Variants in SYT11 observed in about 807,000 individuals in gnomAD.
SYT11 encodes the protein synaptotagmin 11.
In SYT11, 12 loss-of-function variants were observed where a neutral mutation model predicts 30.4. That is an observed-to-expected ratio of 0.39 (90% CI 0.25 to 0.64). SYT11 has a LOEUF of 0.64. SYT11 is among the 30% of genes least tolerant of loss of function. The pLI, the probability that SYT11 is intolerant of heterozygous loss-of-function variation, is 0.45. For missense variants in SYT11, 412 were observed against 552.0 expected, an observed-to-expected ratio of 0.75 and a Z score of 2.54; for synonymous variants, 204 against 216.0, an observed-to-expected ratio of 0.94 and a Z score of 0.49.
In SYT11 at chr1:155,868,134, C is replaced by G; in HGVS notation, c.204C>G (p.Thr68=). 1 of 1,614,036 alleles carries G rather than the reference C, an allele frequency of 6.2e-7. No individual in the cohort carries two copies. The change falls in exon 2 of 4, where the codon ACC becomes ACG. Residue 68 remains threonine, a synonymous_variant. Transcript: ENST00000368324. This position sits in a 1 kb window ranked among gnomAD's most constrained non-coding sequence, Gnocchi z 4.7. The part of the protein sequence containing the change: ...MLKGISIYPE[T]LSNKKKIIKV... Reference sequence around the variant, plus strand: ...AAGGCATCAGCATATACCCAGAGACCCTCAGCAACAAGAAGAAAATCATCA... The same window carrying G: ...AAGGCATCAGCATATACCCAGAGACGCTCAGCAACAAGAAGAAAATCATCA...
intron 2 of SYT11, among the ~76,000 whole-genome samples, chr1:155,876,921 G>A (rs1335340989): frequency 2.0e-5 from 3 of 151,452 alleles, no homozygotes; most frequent in Non-Finnish European, 4.4e-5. Flanking sequence ...GAGTAGCTGG[G>A]GTTACAGGCG....
chr1:155,881,070 C>T, intron 3 of SYT11, 128 bp from the exon 4 acceptor site: 1 of 1,011,454 alleles, frequency 9.9e-7, no homozygotes. Flanking sequence ...CACTAAAGAA[C>T]ACATGGGATG....
At chr1:155,880,801 G>T (rs1343350978) in intron 3 of SYT11, among the ~76,000 whole-genome samples, 178 bp downstream of exon 3, 1 of 152,172 alleles carries the variant, frequency 6.6e-6, no homozygotes, top group Non-Finnish European at 1.5e-5. Context: ...CCCTGGCTAG[G>T]AAGATTCTTC....
At chr1:155,862,401 G>A (rs1395924976) in intron 1 of SYT11, among the ~76,000 whole-genome samples, 1 of 152,104 alleles carries the variant, frequency 6.6e-6, no homozygotes, top group Non-Finnish European at 1.5e-5. Flanking sequence ...TTGGTTTCAG[G>A]GAGAGAGGCA....
intron 1 of SYT11, among the ~76,000 whole-genome samples, chr1:155,865,207 T>A (rs1672650017): frequency 6.6e-6 from 1 of 152,148 alleles, no homozygotes; most frequent in East Asian, 1.9e-4. Flanking sequence ...ATAAGCTCCA[T>A]GAAGAAAATT....
Position 155,868,589 on chromosome 1 carries a change from A to C in SYT11, c.659A>C (p.Asp220Ala). ...VKTRVLRKTLDPVFDETFTFY... is the reference protein window; with the variant it reads ...VKTRVLRKTLAPVFDETFTFY... Reference sequence around the variant, plus strand: ...ACCAGAGTGCTGCGGAAGACCCTGGACCCTGTGTTTGACGAGACCTTCACC... The same window carrying C: ...ACCAGAGTGCTGCGGAAGACCCTGGCCCCTGTGTTTGACGAGACCTTCACC... Residue 220 changes from aspartate to alanine, a missense_variant, in exon 2 of 4, where the codon GAC becomes GCC. Asp to Ala is a moderately radical substitution (Grantham distance 126). Transcript: ENST00000368324. The surrounding 1 kb of genome is among the most constrained non-coding windows in gnomAD (Gnocchi z 4.7). 20 of 1,614,104 alleles carry C rather than the reference A, an allele frequency of 1.2e-5. No homozygotes were observed. The highest frequency in any genetic ancestry group is 1.7e-5 in the Non-Finnish European group (20 of 1,180,014).
Position 155,883,115 on chromosome 1 carries a change from A to T in SYT11, c.*1607A>T, listed in dbSNP as rs1673007500. The T allele has an allele frequency of 6.6e-6, 1 of 152,322 alleles. No homozygotes were observed. Among genetic ancestry groups the T allele is most frequent in the Admixed American group, 6.5e-5 (1 of 15,274 alleles). The allele number at this position is 152,322 out of a possible 1,614,324, so 9.4% of individuals were successfully genotyped here. On this transcript the variant is annotated 3_prime_UTR_variant, in exon 4 of 4. Coordinates refer to ENST00000368324, the MANE Select transcript of SYT11 (RefSeq NM_152280.5). ...ACAGGATGCAATTCTTCTTCTACCA[A>T]TGGGCAATAGAGGTTGAGAGAGATT...
At position 155,881,638 on chromosome 1, in the gene SYT11, C is replaced by A; in HGVS notation, c.*130C>A. The stretch of plus-strand genomic sequence containing the variant: ...AGAAAATTTCTTACAAAACAAATTC[C>A]ACAAAGAACACCCTATATGACCACA... On this transcript the variant is annotated 3_prime_UTR_variant, in exon 4 of 4. Transcript: ENST00000368324. 1.2e-6 allele frequency: 1 copy of A among 806,362 alleles called. No homozygotes were observed. Among genetic ancestry groups the A allele is most frequent in the Non-Finnish European group, 1.9e-6 (1 of 514,758 alleles). The allele number at this position is 806,362 out of a possible 1,614,324, so 50.0% of individuals were successfully genotyped here.
intron 1 of SYT11, among the ~76,000 whole-genome samples, chr1:155,866,504 A>T (rs1672678437): frequency 1.3e-5 from 2 of 152,252 alleles, no homozygotes; most frequent in African/African-American, 2.4e-5. Flanking sequence ...CAAAACAGAC[A>T]TAAATTTTTG....
intron 2 of SYT11, among the ~76,000 whole-genome samples, chr1:155,869,627 A>G (rs1387842844): frequency 2.0e-5 from 3 of 151,838 alleles, no homozygotes; most frequent in Non-Finnish European, 4.4e-5. Flanking sequence ...GAATTGCTTC[A>G]CCCTTCTAGG....
rs752288595 is a variant in SYT11, at chr1:155,884,260, C to A, written c.*2752C>A. ...TGCCTCTGTAGCTCCTCCTGACAAA[C>A]GTCTGGGAAAACAGCCTCACCCCAC... On this transcript the variant is annotated 3_prime_UTR_variant, in exon 4 of 4. Transcript: ENST00000368324. 6.5e-6 allele frequency: 1 copy of A among 152,880 alleles called. No homozygotes were observed. Among genetic ancestry groups the A allele is most frequent in the African/African-American group, 2.4e-5 (1 of 41,426 alleles). The allele number at this position is 152,880 out of a possible 1,614,324, so 9.5% of individuals were successfully genotyped here.
Position 155,877,682 on chromosome 1 carries a change from T to C in SYT11, c.862-2818T>C, listed in dbSNP as rs1672888749. ...CATTCTCCTGCCGCAGCCTCCCCAG[T>C]TGCTGGGACTACAGGCGCCAGTCAC... is the stretch of plus-strand genomic sequence containing the variant. On this transcript the variant is annotated intron_variant, in intron 2 of 3. Coordinates refer to ENST00000368324, the MANE Select transcript of SYT11 (RefSeq NM_152280.5). 3.3e-5 allele frequency among the ~76,000 whole-genome samples: 5 copies of C among 152,136 alleles called. 1 individual carries two copies. The highest frequency in any genetic ancestry group is 6.8e-3 in the Middle Eastern group (2 of 294).
At chr1:155,880,392 C>T in intron 2 of SYT11, 108 bp from the exon 3 acceptor site, 1 of 1,344,548 alleles carries the variant, frequency 7.4e-7, no homozygotes, top group South Asian at 1.6e-5. Context: ...AAAAACTTAT[C>T]ATCCCTGCAC....
In SYT11 at chr1:155,859,747, G is replaced by A. The variant is rs756059928; in HGVS notation, c.-15G>A. Reference sequence around the variant, plus strand: ...CCATTGCAAAAACGTTATAGCAACAGCCTCTGATTACGACATGGCTGAGAT... The same window carrying A: ...CCATTGCAAAAACGTTATAGCAACAACCTCTGATTACGACATGGCTGAGAT... On this transcript the variant is annotated 5_prime_UTR_variant, in exon 1 of 4. Transcript: ENST00000368324. 4.3e-6 allele frequency: 7 copies of A among 1,614,078 alleles called. No individual in the cohort carries two copies. In the South Asian group the frequency reaches 7.7e-5, roughly 18 times the overall value.
intron 1 of SYT11, among the ~76,000 whole-genome samples, chr1:155,864,986 C>T (rs923896733): frequency 6.6e-6 from 1 of 152,100 alleles, no homozygotes; most frequent in Non-Finnish European, 1.5e-5. Context: ...GCTGGGATTA[C>T]AGGCATGAGC....
chr1:155,870,334 G>C (rs564348693), intron 2 of SYT11, among the ~76,000 whole-genome samples: 7 of 152,186 alleles, frequency 4.6e-5, no homozygotes, highest in Non-Finnish European at 8.8e-5. Context: ...ATTTTATATA[G>C]CTACTAGGAC....
At chr1:155,875,040 G>A (rs1398177516) in intron 2 of SYT11, among the ~76,000 whole-genome samples, 1 of 149,518 alleles carries the variant, frequency 6.7e-6, no homozygotes, top group Non-Finnish European at 1.5e-5. Flanking sequence ...AGATCATGAG[G>A]TCAGGAGTTT....
chr1:155,864,411 C>T (rs757707115), intron 1 of SYT11, among the ~76,000 whole-genome samples: 74 of 152,134 alleles, frequency 4.9e-4, no homozygotes, highest in Admixed American at 2.8e-3. Context: ...GTAATCTGGA[C>T]ATTATGCTCA....
intron 3 of SYT11, among the ~76,000 whole-genome samples, chr1:155,880,914 G>T (rs1487194466): frequency 3.9e-5 from 6 of 152,204 alleles, no homozygotes; most frequent in African/African-American, 1.4e-4. Flanking sequence ...ATTTGTCTCT[G>T]TGCCCTTTAA....
Sources: allele counts gnomAD v4.1 joint callset (sites outside exome capture counted in the v4.1 genomes callset), GRCh38; gene constraint gnomAD v4.1.1; non-coding constraint Gnocchi (gnomAD v3.1); transcripts MANE v1.5; gene names NCBI Gene and HGNC (gene_info 2026-07-23, HGNC 2026-07-21).